RNF213: variants seen among roughly 807,000 people sequenced by gnomAD.
RNF213 encodes E3 ubiquitin-protein ligase RNF213.
Under a neutral mutation model 514.4 loss-of-function variants are expected in RNF213, and 341 were observed. The observed-to-expected ratio is 0.66, with a 90% CI of 0.61 to 0.73. RNF213 has a LOEUF of 0.73. Ranked by LOEUF, RNF213 falls within the 30% of genes least tolerant of loss-of-function variation. RNF213 has a pLI of 0.00. For synonymous variants in RNF213, 2,655 were observed against 2,658.2 expected (o/e 1.00, Z 0.04); for missense variants, 5,767 against 6,615.6 (o/e 0.87, Z 4.45).
chr17:80,313,848 C>A (rs59627017), intron 15 of RNF213, among the ~76,000 whole-genome samples: 762 of 14,464 alleles, frequency 0.053, 14 homozygotes, highest in Non-Finnish European at 0.069. Context: ...GGTGGAGGTA[C>A]TGGAGGTGAT....
chr17:80,363,221 G>A lies in RNF213; in HGVS notation c.11475G>A (p.Leu3825=). Residue 3825 remains leucine, a synonymous_variant, in exon 40 of 68, where the codon CTG becomes CTA. Coordinates refer to ENST00000582970, the MANE Select transcript of RNF213 (RefSeq NM_001256071.3). ...CCTACCAGCGTTTCAGAAGCCGTCT[G>A]CAGAACTTTTCCAGAATCCTGACCA... The part of the protein sequence containing the change: ...HLAYQRFRSR[L]QNFSRILTIY... 1 of 1,614,200 alleles carries A rather than the reference G, an allele frequency of 6.2e-7. No individual in the cohort carries two copies. Among genetic ancestry groups the A allele is most frequent in the Non-Finnish European group, 8.5e-7 (1 of 1,180,038 alleles).
At chr17:80,372,889 G>A (rs2079571550) in intron 48 of RNF213, 86 bp from the exon 49 acceptor site, 1 of 1,446,444 alleles carries the variant, frequency 6.9e-7, no homozygotes, top group Non-Finnish European at 9.5e-7. Context: ...CTGTGGGTAG[G>A]TCCGATGCCC....
chr17:80,355,049 T>C (rs2078681014), intron 36 of RNF213: 2 of 366,590 alleles, frequency 5.5e-6, no homozygotes, highest in Admixed American at 7.0e-5. Flanking sequence ...AGACTAACCT[T>C]GATTATCTTG....
chr17:80,331,996 G>C lies in RNF213; in HGVS notation c.3518-10G>C, dbSNP rs797002174. The C allele has an allele frequency of 6.6e-7, 1 of 1,524,962 alleles. No homozygotes were observed. Among genetic ancestry groups the C allele is most frequent in the Non-Finnish European group, 8.8e-7 (1 of 1,138,364 alleles). The allele number at this position is 1,524,962 out of a possible 1,614,324, so 94.5% of individuals were successfully genotyped here. On this transcript the variant is annotated splice_polypyrimidine_tract_variant and intron_variant, in intron 20 of 67. Coordinates refer to ENST00000582970, the MANE Select transcript of RNF213 (RefSeq NM_001256071.3). ...CTTTGACTTCTGACACTTTCTTTTC[G>C]CTTCTAAAGTGGACTTTGGAGTGCT...
At chr17:80,376,054 T>A (rs1326036158) in intron 51 of RNF213, among the ~76,000 whole-genome samples, 184 bp downstream of exon 51, 1 of 152,184 alleles carries the variant, frequency 6.6e-6, no homozygotes, top group East Asian at 1.9e-4. Context: ...AGAATTATAA[T>A]GAAAACTAAA....
Position 80,361,025 on chromosome 17 carries a change from A to AC in RNF213, c.11201-704dup, listed in dbSNP as rs139851661. On this transcript the variant is annotated intron_variant, in intron 38 of 67. Transcript: ENST00000582970. ...ATCTTTCTGGCTTGCATGCTCTGTG[A>AC]CCCCCAGCCCCTGAAGAGCAGCCCA... Among the ~76,000 whole-genome samples the AC allele has an allele frequency of 9.0e-3, 1,363 of 152,068 alleles. 28 individuals carry two copies. The highest frequency in any genetic ancestry group is 0.031 in the African/African-American group (1,286 of 41,446).
intron 3 of RNF213, among the ~76,000 whole-genome samples, chr17:80,284,566 C>T (rs1305700491): frequency 6.6e-6 from 1 of 151,866 alleles, no homozygotes; most frequent in Non-Finnish European, 1.5e-5. Flanking sequence ...AAAAAAAAGC[C>T]TTTGAATTGC....
chr17:80,381,028 C>T (rs369477713), intron 56 of RNF213, 41 bp downstream of exon 56: 3 of 1,606,990 alleles, frequency 1.9e-6, no homozygotes, highest in African/African-American at 2.7e-5. Flanking sequence ...CAGTTAAGAA[C>T]CTGCTTTCGC....
intron 20 of RNF213, 133 bp downstream of exon 20, chr17:80,328,610 G>A: frequency 1.3e-6 from 1 of 794,912 alleles, no homozygotes; most frequent in Non-Finnish European, 1.9e-6. Context: ...ATTTGCATTT[G>A]CTGGGGGGAT....
At chr17:80,287,677 G>T in intron 3 of RNF213, 138 bp from the exon 4 acceptor site, 54 of 484,348 alleles carry the variant, frequency 1.1e-4, no homozygotes, top group South Asian at 2.0e-4. Flanking sequence ...CCAGGAAATT[G>T]CAGATTTAAC....
chr17:80,362,828 T>C (rs1471251761), intron 39 of RNF213, among the ~76,000 whole-genome samples: 1 of 152,246 alleles, frequency 6.6e-6, no homozygotes, highest in East Asian at 1.9e-4. Context: ...TGATGGGTTA[T>C]TGAGCAGCCA....
At chr17:80,383,462 A>G (rs1330737221) in intron 58 of RNF213, among the ~76,000 whole-genome samples, 1 of 152,258 alleles carries the variant, frequency 6.6e-6, no homozygotes, top group Non-Finnish European at 1.5e-5. Context: ...TAAGAGAAAT[A>G]TAGGTTTCTG....
chr17:80,346,630 C>T lies in RNF213; in HGVS notation c.8295C>T (p.Leu2765=), dbSNP rs1371201081. ...TCTGCATCGAGCTGAAGATTCCCCT[C>T]TTCCTGGTGGGGAAGCCCGGCAGCT... ...MVVCIELKIP[L]FLVGKPGSSK... The change falls in exon 29 of 68, where the codon CTC becomes CTT. Residue 2765 remains leucine, a synonymous_variant. Transcript: ENST00000582970. The surrounding 1 kb of genome is among the most constrained non-coding windows in gnomAD (Gnocchi z 8.1). The T allele has an allele frequency of 7.4e-6, 12 of 1,612,776 alleles. No homozygotes were observed. The Admixed American group carries it at 2.0e-4, about 27-fold the overall frequency.
chr17:80,289,974 G>C, intron 6 of RNF213, 137 bp downstream of exon 6: 3 of 966,462 alleles, frequency 3.1e-6, no homozygotes, highest in East Asian at 5.2e-5. Context: ...TGGGGGAAAA[G>C]GGGACCACTT....
In RNF213 at chr17:80,340,116, AC is replaced by A; in HGVS notation, c.5750del (p.Thr1917SerfsTer86). 1.2e-6 allele frequency: 2 copies of A among 1,612,972 alleles called. No homozygotes were observed. The highest frequency in any genetic ancestry group is 1.7e-6 in the Non-Finnish European group (2 of 1,179,820). ...QAEELFHNLC[T>X]QQHREDYQLV... ...GGAGGAGCTTTTCCACAATCTGTGC[AC>A]GCAGCAGCACCGAGAAGACTACCAG... is the stretch of plus-strand genomic sequence containing the variant. On this transcript the variant is annotated frameshift_variant, in exon 26 of 68. Transcript: ENST00000582970. LOFTEE classifies it high-confidence loss of function.
rs201402653 is a variant in RNF213 at position 80,354,536 on chromosome 17, G to A, written c.10822G>A (p.Ala3608Thr). ...FHPLEWLARE[A>T]CNQDALQEAG... ...CCCTCTGGAGTGGTTGGCAAGGGAA[G>A]CCTGCAACCAGGACGCTCTCCAGGA... Residue 3608 changes from alanine (A) to threonine (T), a missense_variant, in exon 36 of 68, where the codon GCC (alanine) becomes ACC (threonine). Around this residue, in one of 13 missense-constraint regions of RNF213, gnomAD observed 919 missense variants for 1,121.0 expected, o/e 0.82. Coordinates refer to ENST00000582970, the MANE Select transcript of RNF213 (RefSeq NM_001256071.3). The A allele has an allele frequency of 2.5e-6, 4 of 1,614,102 alleles. No homozygotes were observed. The highest frequency in any genetic ancestry group is 3.4e-6 in the Non-Finnish European group (4 of 1,180,048).
At chr17:80,386,587 C>T (rs2080245490) in intron 62 of RNF213, 103 bp from the exon 63 acceptor site, 12 of 1,462,290 alleles carry the variant, frequency 8.2e-6, no homozygotes, top group Non-Finnish European at 9.5e-7. Flanking sequence ...GTAGGGTTTT[C>T]CACTGCTCCA....
intron 57 of RNF213, 194 bp downstream of exon 57, chr17:80,381,921 A>C (rs568160763): frequency 1.3e-5 from 8 of 626,764 alleles, no homozygotes; most frequent in Non-Finnish European, 2.0e-5. Flanking sequence ...AAAAGGAAGC[A>C]CTCTGCTTGC....
chr17:80,336,764 C>A, intron 23 of RNF213: 1 of 349,278 alleles, frequency 2.9e-6, no homozygotes, highest in Non-Finnish European at 5.6e-6. Flanking sequence ...ATTAGCCAGG[C>A]ATGGTGGTGT....
Sources: allele counts gnomAD v4.1 joint callset (sites outside exome capture counted in the v4.1 genomes callset), GRCh38; gene constraint gnomAD v4.1.1; regional missense constraint gnomAD v4.1.1; non-coding constraint Gnocchi (gnomAD v3.1); transcripts MANE v1.5; gene names NCBI Gene and HGNC (gene_info 2026-07-23, HGNC 2026-07-21).